Variants in DLG2 observed in about 807,000 individuals in gnomAD.
The protein encoded by DLG2 is discs large MAGUK scaffold protein 2, also known as disks large homolog 2.
DLG2 carries 45 observed loss-of-function variants against 132.5 expected under a neutral mutation model. The ratio of observed to expected loss-of-function variants is 0.34; its 90% CI spans 0.27 to 0.44. DLG2 has a LOEUF of 0.44. DLG2 is among the 20% of genes least tolerant of loss of function. The probability of loss-of-function intolerance (pLI) is 1.00; values close to 1 mark genes in which losing one functional copy is unlikely to be tolerated. For synonymous variants in DLG2, 424 were observed against 419.6 expected, an observed-to-expected ratio of 1.01 and a Z score of -0.13; for missense variants, 1,045 against 1,196.9, an observed-to-expected ratio of 0.87 and a Z score of 1.87.
At chr11:85,285,833 G>T (rs1466314899) in intron 3 of DLG2, among the ~76,000 whole-genome samples, 1 of 151,868 alleles carries the variant, frequency 6.6e-6, no homozygotes, top group Non-Finnish European at 1.5e-5. Context: ...AAGAGAAGGA[G>T]GTTTGACTAG....
At chr11:83,746,582 T>TG (rs1189077762) in intron 18 of DLG2, among the ~76,000 whole-genome samples, 7 of 148,734 alleles carry the variant, frequency 4.7e-5, no homozygotes, top group African/African-American at 1.8e-4. Flanking sequence ...TGTTGTGGGG[T>TG]GGGGGGAGCG....
chr11:83,566,438 C>A (rs1300393682), intron 19 of DLG2, among the ~76,000 whole-genome samples: 1 of 152,022 alleles, frequency 6.6e-6, no homozygotes, highest in African/African-American at 2.4e-5. Flanking sequence ...CCTCTGCATT[C>A]CTTTGTGATC....
rs1278386913 is a variant in DLG2 at position 85,453,166 on chromosome 11, T to G, written c.40+145491A>C. ...GGTGAGAATATTTCTCTTTTCCTTC[T>G]GATAGCATCATTTGGGTACACACCA... On this transcript the variant is annotated intron_variant, in intron 3 of 27. Transcript: ENST00000376104. 2.3e-5 allele frequency: 7 copies of G among 302,360 alleles called. No individual in the cohort carries two copies. In the East Asian group the frequency reaches 5.1e-4, roughly 22 times the overall value. 18.7% of individuals were successfully genotyped at this position (302,360 alleles called of 1,614,324 possible).
At chr11:84,184,294 T>A (rs1596908562) in intron 8 of DLG2, among the ~76,000 whole-genome samples, 1 of 151,040 alleles carries the variant, frequency 6.6e-6, no homozygotes, top group African/African-American at 2.4e-5. Flanking sequence ...GGTATCTCAT[T>A]GTGGTTTTGA....
At chr11:85,048,342 C>T (rs1303365928) in intron 6 of DLG2, among the ~76,000 whole-genome samples, 6 of 151,830 alleles carry the variant, frequency 4.0e-5, no homozygotes, top group Admixed American at 1.3e-4. Context: ...ATATGCAACA[C>T]AAGAAGTCCT....
chr11:85,131,308 C>T (rs2075688722), intron 5 of DLG2, among the ~76,000 whole-genome samples: 2 of 151,946 alleles, frequency 1.3e-5, no homozygotes, highest in African/African-American at 4.8e-5. Flanking sequence ...CTTATTTTTA[C>T]AATATTAATT....
intron 6 of DLG2, among the ~76,000 whole-genome samples, chr11:84,768,546 T>G (rs1347038043): frequency 1.3e-5 from 2 of 152,136 alleles, no homozygotes; most frequent in East Asian, 3.9e-4. Flanking sequence ...GTACAAATAC[T>G]TCATAAAATA....
At chr11:84,615,910 T>C (rs1285113873) in intron 6 of DLG2, among the ~76,000 whole-genome samples, 1 of 149,858 alleles carries the variant, frequency 6.7e-6, no homozygotes, top group Admixed American at 6.7e-5. Flanking sequence ...ATTCAACATA[T>C]GTCAGACTTC....
chr11:85,281,461 T>C (rs566181579), intron 4 of DLG2, among the ~76,000 whole-genome samples: 6 of 152,090 alleles, frequency 3.9e-5, no homozygotes, highest in African/African-American at 1.4e-4. Flanking sequence ...ACGAAGCCTG[T>C]GGAAACTAAT....
At chr11:85,553,064 G>A (rs2076755650) in intron 3 of DLG2, among the ~76,000 whole-genome samples, 1 of 151,642 alleles carries the variant, frequency 6.6e-6, no homozygotes, top group Non-Finnish European at 1.5e-5. Context: ...CATGGAGAAT[G>A]CCCTAATTAT....
chr11:83,779,462 G>A (rs749015071), intron 18 of DLG2, among the ~76,000 whole-genome samples: 1 of 152,056 alleles, frequency 6.6e-6, no homozygotes, highest in Non-Finnish European at 1.5e-5. Context: ...CAGTATGCCC[G>A]AGAAAGTGGT....
intron 6 of DLG2, among the ~76,000 whole-genome samples, chr11:85,018,088 G>A (rs1292910555): frequency 2.0e-5 from 3 of 152,078 alleles, no homozygotes; most frequent in African/African-American, 2.4e-5. Context: ...GCTTGGCACA[G>A]GATAAGCAAA....
At chr11:84,428,530 T>C (rs2098974352) in intron 7 of DLG2, among the ~76,000 whole-genome samples, 1 of 152,178 alleles carries the variant, frequency 6.6e-6, no homozygotes, top group African/African-American at 2.4e-5. Flanking sequence ...TGAGCTCTCT[T>C]TCCCTGGTTT....
intron 9 of DLG2, among the ~76,000 whole-genome samples, chr11:84,162,627 G>C (rs1032357256): frequency 1.3e-5 from 2 of 152,080 alleles, no homozygotes; most frequent in Non-Finnish European, 2.9e-5. Context: ...GGGTCAAAGA[G>C]TGTATTCATT....
chr11:84,525,828 C>T (rs987503682), intron 7 of DLG2, among the ~76,000 whole-genome samples: 3 of 152,128 alleles, frequency 2.0e-5, no homozygotes, highest in Non-Finnish European at 2.9e-5. Context: ...TTACATTATG[C>T]GTCAGTATCC....
intron 6 of DLG2, among the ~76,000 whole-genome samples, chr11:84,983,598 C>T (rs1453439302): frequency 2.0e-5 from 3 of 152,168 alleles, no homozygotes; most frequent in African/African-American, 7.2e-5. Context: ...CTTTAACACT[C>T]CCCAAAAAAT....
chr11:84,133,516 T>C (rs1023394638), intron 9 of DLG2, among the ~76,000 whole-genome samples: 3 of 152,024 alleles, frequency 2.0e-5, no homozygotes, highest in South Asian at 2.1e-4. Context: ...ATACAAAAAA[T>C]TGTGTAAAAA....
At chr11:85,284,862 T>C (rs1341184022) in intron 4 of DLG2, among the ~76,000 whole-genome samples, 2 of 151,852 alleles carry the variant, frequency 1.3e-5, no homozygotes, top group African/African-American at 4.8e-5. Flanking sequence ...GTGCCCTTCC[T>C]ATGGAAATCA....
chr11:83,645,706 G>A (rs756627077), intron 18 of DLG2: 2 of 152,120 alleles, frequency 1.3e-5, no homozygotes, highest in Non-Finnish European at 2.9e-5. Context: ...TGAACCATGA[G>A]GGTGAGGATC....
Sources: gnomAD v4.1 joint callset for allele counts (sites outside exome capture counted in the v4.1 genomes callset) on GRCh38, gnomAD v4.1.1 for gene constraint, MANE v1.5 for transcripts, NCBI Gene and HGNC (gene_info 2026-07-23, HGNC 2026-07-21) for gene names.